The following PLXNA4 variants were observed in gnomAD, a reference collection of about 807,000 sequenced individuals.
PLXNA4 encodes the protein plexin-A4.
Under a neutral mutation model 191.8 loss-of-function variants are expected in PLXNA4, and 44 were observed. The observed-to-expected ratio is 0.23, with a 90% CI of 0.18 to 0.29. The LOEUF is 0.29. Among genes scored for constraint, PLXNA4 ranks in the 10% least tolerant of loss-of-function variants. The pLI, the probability that PLXNA4 is intolerant of heterozygous loss-of-function variation, is 1.00. For missense variants in PLXNA4, 1,800 were observed against 2,488.8 expected (o/e 0.72, Z 5.89); for synonymous variants, 1,082 against 1,009.5 (o/e 1.07, Z -1.36).
rs550628538 is a variant in PLXNA4, at chr7:132,265,973, A to G, written c.1504-24807T>C. Among the ~76,000 whole-genome samples the G allele has an allele frequency of 2.6e-5, 4 of 152,358 alleles. No homozygotes were observed. The South Asian group carries it at 8.3e-4, about 32-fold the overall frequency. ...TGGGAATAAGAAAAAGTCATTAGAA[A>G]AGAGGAGCTCTAAAATGGCTCAGAA... On this transcript the variant is annotated intron_variant, in intron 4 of 31. Transcript: ENST00000321063.
chr7:132,269,435 A>G (rs1163111514), intron 4 of PLXNA4, among the ~76,000 whole-genome samples: 1 of 149,548 alleles, frequency 6.7e-6, no homozygotes, highest in Non-Finnish European at 1.5e-5. Flanking sequence ...GTGAGCAAAC[A>G]TTACAGACCA....
chr7:132,642,426 G>T (rs1028809004), intron 2 of PLXNA4, among the ~76,000 whole-genome samples: 1 of 151,918 alleles, frequency 6.6e-6, no homozygotes, highest in African/African-American at 2.4e-5. Flanking sequence ...GGATGAACAG[G>T]GTTGCCCTTA....
At chr7:132,545,875 T>G (rs1046681093) in intron 1 of PLXNA4, among the ~76,000 whole-genome samples, 7 of 152,078 alleles carry the variant, frequency 4.6e-5, no homozygotes, top group Non-Finnish European at 1.0e-4. Context: ...CTGCAGGAGG[T>G]GGCTGGGTGT....
chr7:132,327,969 C>T (rs1206416498), intron 3 of PLXNA4, among the ~76,000 whole-genome samples: 1 of 152,192 alleles, frequency 6.6e-6, no homozygotes, highest in Non-Finnish European at 1.5e-5. Context: ...GTGAGCTCCT[C>T]TGCATATCTA....
At chr7:132,621,243 T>G (rs1264047798) in intron 2 of PLXNA4, among the ~76,000 whole-genome samples, 1 of 124,024 alleles carries the variant, frequency 8.1e-6, no homozygotes, top group African/African-American at 2.8e-5. Context: ...TTGGTTTTTT[T>G]TTGTTTTTTT....
At chr7:132,350,206 G>C (rs1803424964) in intron 3 of PLXNA4, among the ~76,000 whole-genome samples, 1 of 152,132 alleles carries the variant, frequency 6.6e-6, no homozygotes, top group Non-Finnish European at 1.5e-5. Context: ...TTCAGATCAA[G>C]AATACATTAA....
intron 3 of PLXNA4, among the ~76,000 whole-genome samples, chr7:132,349,230 T>C (rs1177609190): frequency 6.6e-6 from 1 of 152,158 alleles, no homozygotes; most frequent in Admixed American, 6.5e-5. Context: ...ACCCAGGAGC[T>C]GCCAAAGAAG....
intron 4 of PLXNA4, among the ~76,000 whole-genome samples, chr7:132,297,740 G>A (rs1422732699): frequency 6.6e-6 from 1 of 152,106 alleles, no homozygotes; most frequent in Non-Finnish European, 1.5e-5. Flanking sequence ...GGTGACTTTG[G>A]TATGAGGTAG....
chr7:132,340,290 A>G (rs1050281677), intron 3 of PLXNA4, among the ~76,000 whole-genome samples: 21 of 152,126 alleles, frequency 1.4e-4, no homozygotes, highest in Non-Finnish European at 2.8e-4. Context: ...AAGACTGGAT[A>G]AAAAATCAAC....
intron 3 of PLXNA4, among the ~76,000 whole-genome samples, chr7:132,311,404 T>A (rs1459341154): frequency 6.6e-6 from 1 of 152,150 alleles, no homozygotes; most frequent in African/African-American, 2.4e-5. Flanking sequence ...GCGCTCACTG[T>A]CTTCCCCACT....
intron 30 of PLXNA4, among the ~76,000 whole-genome samples, chr7:132,135,319 A>ACAAT (rs1251336041): frequency 6.6e-6 from 1 of 152,214 alleles, no homozygotes; most frequent in African/African-American, 2.4e-5. Flanking sequence ...TCACCTGTAC[A>ACAAT]CAATCAGAGC....
chr7:132,576,710 T>G, upstream of PLXNA4: 1 of 534,258 alleles, frequency 1.9e-6, no homozygotes, highest in South Asian at 8.1e-5. This position sits in a 1 kb window ranked among gnomAD's most constrained non-coding sequence, Gnocchi z 5.8. Flanking sequence ...TGGGGATCGA[T>G]TCCGAACACC....
chr7:132,594,965 A>AGATAGATG (rs879637271), intron 2 of PLXNA4, among the ~76,000 whole-genome samples: 1 of 134,312 alleles, frequency 7.4e-6, no homozygotes, highest in Non-Finnish European at 1.7e-5. Context: ...ATAGATAGAT[A>AGATAGATG]ATTGATAGAT....
rs1795888349 is a variant in PLXNA4 at position 132,159,596 on chromosome 7, G to A, written c.4537C>T (p.Pro1513Ser). The change falls in exon 25 of 32, where the codon CCC becomes TCC. Residue 1513 changes from proline to serine, a missense_variant. Physicochemically the swap from Pro to Ser is moderately conservative, Grantham distance 74. Around this residue, in one of 6 missense-constraint regions of PLXNA4, gnomAD observed 214 missense variants for 298.2 expected, o/e 0.72. Coordinates refer to ENST00000321063, the MANE Select transcript of PLXNA4 (RefSeq NM_020911.2). ...SCVSPDNANS[P>S]EVPVKILNCD... Reference sequence around the variant, plus strand: ...TTGAGGATCTTTACTGGGACCTCGGGGCTGTTGGCATTGTCTGGGCTGACA... The same window carrying A: ...TTGAGGATCTTTACTGGGACCTCGGAGCTGTTGGCATTGTCTGGGCTGACA... 4.3e-6 allele frequency: 7 copies of A among 1,613,954 alleles called. No individual in the cohort carries two copies. The highest frequency in any genetic ancestry group is 2.2e-5 in the South Asian group (2 of 91,068).
chr7:132,527,870 A>T (rs76023923), intron 1 of PLXNA4, among the ~76,000 whole-genome samples: 3,832 of 152,244 alleles, frequency 0.025, 172 homozygotes, highest in African/African-American at 0.087. Flanking sequence ...GAGCCTGCAC[A>T]CAGAGGCACG....
At position 132,508,899 on chromosome 7, in the gene PLXNA4, G is replaced by T. The variant is rs926022682; in HGVS notation, c.-86-120C>A. 3.7e-5 allele frequency: 38 copies of T among 1,039,500 alleles called. No individual in the cohort carries two copies. The Admixed American group carries it at 9.3e-4, about 25-fold the overall frequency. The allele number at this position is 1,039,500 out of a possible 1,614,324, so 64.4% of individuals were successfully genotyped here. A position where few individuals can be genotyped will look rare whatever the true frequency, so the allele number is the denominator to read the frequency against. On this transcript the variant is annotated intron_variant, in intron 1 of 31. Coordinates refer to ENST00000321063, the MANE Select transcript of PLXNA4 (RefSeq NM_020911.2). The surrounding 1 kb of genome is among the most constrained non-coding windows in gnomAD (Gnocchi z 4.4). The stretch of plus-strand genomic sequence containing the variant: ...ACACTGAGCAGAACTGCACTGGGGG[G>T]TGCTGGAGGCTGACTGAGTCAACCC...
rs185175556 is a variant in PLXNA4 at position 132,557,451 on chromosome 7, G to A, written c.-87+18971C>T. Among the ~76,000 whole-genome samples the A allele has an allele frequency of 1.6e-4, 25 of 151,894 alleles. 1 individual carries two copies. In the South Asian group the frequency reaches 3.3e-3, roughly 20 times the overall value. Reference sequence around the variant, plus strand: ...CTTCACAGAAGATGGAGGAAATGGCGGCAGGGGGGGACGTAAAGATAGGCA... The same window carrying A: ...CTTCACAGAAGATGGAGGAAATGGCAGCAGGGGGGGACGTAAAGATAGGCA... On this transcript the variant is annotated intron_variant, in intron 1 of 31. Transcript: ENST00000321063.
At chr7:132,239,074 C>A (rs1044845266) in intron 5 of PLXNA4, among the ~76,000 whole-genome samples, 3 of 152,238 alleles carry the variant, frequency 2.0e-5, no homozygotes, top group Non-Finnish European at 4.4e-5. Context: ...TTATGCCATG[C>A]TGAGACTGGA....
intron 10 of PLXNA4, among the ~76,000 whole-genome samples, chr7:132,206,425 C>T (rs1025592078): frequency 3.7e-5 from 5 of 133,382 alleles, no homozygotes; most frequent in Admixed American, 2.5e-4. Context: ...TATGAGAACG[C>T]TTATGTTTTC....
Sources: allele counts gnomAD v4.1 joint callset (sites outside exome capture counted in the v4.1 genomes callset), GRCh38; gene constraint gnomAD v4.1.1; regional missense constraint gnomAD v4.1.1; non-coding constraint Gnocchi (gnomAD v3.1); transcripts MANE v1.5; gene names NCBI Gene and HGNC (gene_info 2026-07-23, HGNC 2026-07-21).